The following DEPTOR variants were observed in gnomAD, a reference collection of about 807,000 sequenced individuals.
DEPTOR encodes the protein DEP domain containing MTOR interacting protein, also known as DEP domain-containing mTOR-interacting protein.
Under a neutral mutation model 41.6 loss-of-function variants are expected in DEPTOR, and 41 were observed. The observed-to-expected ratio is 0.98, with a 90% CI of 0.77 to 1.28. The LOEUF (loss-of-function observed/expected upper bound fraction) is 1.28. Ranked by LOEUF, DEPTOR falls within the 50% of genes most tolerant of loss-of-function variation. DEPTOR has a pLI of 0.00. For synonymous variants in DEPTOR, 195 were observed against 192.3 expected, an observed-to-expected ratio of 1.01 and a Z score of -0.12; for missense variants, 514 against 527.9, an observed-to-expected ratio of 0.97 and a Z score of 0.26.
intron 1 of DEPTOR, among the ~76,000 whole-genome samples, chr8:119,888,981 G>A (rs1034749620): frequency 3.3e-5 from 5 of 151,874 alleles, no homozygotes; most frequent in African/African-American, 4.8e-5. Flanking sequence ...ATGCCTGGGC[G>A]GAAAAGGGCA....
At chr8:120,010,529 T>C (rs1282025980) in intron 8 of DEPTOR, among the ~76,000 whole-genome samples, 1 of 151,634 alleles carries the variant, frequency 6.6e-6, no homozygotes, top group Non-Finnish European at 1.5e-5. Context: ...GGCAGGAGAA[T>C]TGCTTGAGCC....
chr8:119,874,110 T>C, intron 1 of DEPTOR, 142 bp downstream of exon 1: 1 of 1,379,160 alleles, frequency 7.3e-7, no homozygotes, highest in South Asian at 1.3e-5. Flanking sequence ...TGGATGGTCC[T>C]CGGTGCGCCC....
chr8:119,907,291 G>C (rs1001309103), intron 1 of DEPTOR, among the ~76,000 whole-genome samples: 3 of 151,918 alleles, frequency 2.0e-5, no homozygotes, highest in African/African-American at 7.3e-5. Context: ...AGAAATATAT[G>C]GGGCACAGAT....
At chr8:119,908,727 T>C (rs1311913586) in intron 1 of DEPTOR, among the ~76,000 whole-genome samples, 1 of 152,144 alleles carries the variant, frequency 6.6e-6, no homozygotes, top group Non-Finnish European at 1.5e-5. Flanking sequence ...TTGCAGCTCT[T>C]TTCTTAAAAC....
intron 4 of DEPTOR, among the ~76,000 whole-genome samples, chr8:119,986,234 A>G (rs1173150737): frequency 6.6e-6 from 1 of 151,966 alleles, no homozygotes; most frequent in Non-Finnish European, 1.5e-5. Flanking sequence ...TGGTGACAAA[A>G]TCTCTCAACA....
At chr8:119,885,504 T>C (rs1471840445) in intron 1 of DEPTOR, among the ~76,000 whole-genome samples, 2 of 152,202 alleles carry the variant, frequency 1.3e-5, no homozygotes, top group African/African-American at 4.8e-5. Context: ...AAATAAATTC[T>C]AACGGTAGAA....
At chr8:120,035,729 G>A (rs753684706) in intron 8 of DEPTOR, among the ~76,000 whole-genome samples, 5 of 152,166 alleles carry the variant, frequency 3.3e-5, no homozygotes, top group South Asian at 2.1e-4. Context: ...ATGGGGTTTC[G>A]CCACGTTGGC....
intron 1 of DEPTOR, 56 bp downstream of exon 1, chr8:119,874,024 C>T (rs1827199492): frequency 1.7e-5 from 27 of 1,605,722 alleles, no homozygotes; most frequent in Non-Finnish European, 2.1e-5. Flanking sequence ...CGCGTGCCCG[C>T]TGCAGTCCTG....
chr8:119,874,092 C>CG, intron 1 of DEPTOR, 124 bp downstream of exon 1: 2 of 1,517,996 alleles, frequency 1.3e-6, no homozygotes, highest in South Asian at 2.4e-5. Flanking sequence ...GGAACGGCTG[C>CG]GGGCGCGTGG....
chr8:120,025,959 T>A (rs1436500475), intron 8 of DEPTOR, among the ~76,000 whole-genome samples: 1 of 150,700 alleles, frequency 6.6e-6, no homozygotes, highest in Non-Finnish European at 1.5e-5. Context: ...CTGAAACCAG[T>A]GGTAGCTTTC....
chr8:119,891,688 A>C (rs1827454540), intron 1 of DEPTOR, among the ~76,000 whole-genome samples: 1 of 152,196 alleles, frequency 6.6e-6, no homozygotes, highest in Non-Finnish European at 1.5e-5. Flanking sequence ...AGCTCTCAAC[A>C]TATGACTGAA....
chr8:119,948,920 T>C lies in DEPTOR; in HGVS notation c.426-16312T>C, dbSNP rs139079803. Among the ~76,000 whole-genome samples the C allele has an allele frequency of 3.2e-4, 49 of 152,236 alleles. 1 individual carries two copies. In the East Asian group the frequency reaches 8.3e-3, roughly 26 times the overall value. On this transcript the variant is annotated intron_variant, in intron 3 of 8. Transcript: ENST00000286234. ...CTCCTGCCCCAGCCTCCCAAATAGC[T>C]GGGATTACAGACATGCGCCACCACA...
At chr8:119,988,958 CTTTTTTTT>C (rs71571643) in intron 4 of DEPTOR, among the ~76,000 whole-genome samples, 3 of 93,924 alleles carry the variant, frequency 3.2e-5, no homozygotes, top group African/African-American at 8.8e-5. Flanking sequence ...TTTTTTTTTT[CTTTTTTTT>C]TTTTTTTTTT....
At chr8:119,971,555 G>A (rs1007905254) in intron 4 of DEPTOR, among the ~76,000 whole-genome samples, 8 of 152,146 alleles carry the variant, frequency 5.3e-5, no homozygotes, top group African/African-American at 1.7e-4. Flanking sequence ...TGTCATATGA[G>A]TTCAGTTAAT....
At position 120,049,722 on chromosome 8, in the gene DEPTOR, C is replaced by T. The variant is rs117391704; in HGVS notation, c.*18C>T. 17 of 1,612,972 alleles carry T rather than the reference C, an allele frequency of 1.1e-5. No individual in the cohort carries two copies. The African/African-American group carries it at 2.1e-4, about 20-fold the overall frequency. ...AGTGCTGAGCTCCTGGGCCTCCCAG[C>T]CCTCCAGTGGCCTGTGGGTGAGGGA... On this transcript the variant is annotated 3_prime_UTR_variant, in exon 9 of 9. Coordinates refer to ENST00000286234, the MANE Select transcript of DEPTOR (RefSeq NM_022783.4).
chr8:119,976,927 T>C (rs760940120), intron 4 of DEPTOR, among the ~76,000 whole-genome samples: 43 of 152,296 alleles, frequency 2.8e-4, no homozygotes, highest in Middle Eastern at 3.4e-3. Context: ...TGGCAGGCTG[T>C]TCTTTACTGC....
intron 3 of DEPTOR, among the ~76,000 whole-genome samples, chr8:119,947,393 CT>C (rs1828293462): frequency 6.6e-6 from 1 of 152,220 alleles, no homozygotes; most frequent in Non-Finnish European, 1.5e-5. Context: ...CAAGCCATTC[CT>C]TTCTCCTAGT....
chr8:120,032,281 C>T lies in DEPTOR; in HGVS notation c.1102-17295C>T, dbSNP rs577002084. 6.1e-5 allele frequency among the ~76,000 whole-genome samples: 9 copies of T among 146,730 alleles called. No individual in the cohort carries two copies. In the East Asian group the frequency reaches 8.0e-4, roughly 13 times the overall value. ...TCACCCAGGTTGGAGAGCAGTGGCA[C>T]GATCTTGGCTCACTGCAACCTCCGC... On this transcript the variant is annotated intron_variant, in intron 8 of 8. Transcript: ENST00000286234.
At chr8:119,907,716 G>T (rs1251018520) in intron 1 of DEPTOR, among the ~76,000 whole-genome samples, 2 of 152,120 alleles carry the variant, frequency 1.3e-5, no homozygotes, top group African/African-American at 2.4e-5. Flanking sequence ...TCCCTTGAAG[G>T]TTGCAGTGAA....
Sources: gnomAD v4.1 joint callset for allele counts (sites outside exome capture counted in the v4.1 genomes callset) on GRCh38, gnomAD v4.1.1 for gene constraint, MANE v1.5 for transcripts, NCBI Gene and HGNC (gene_info 2026-07-23, HGNC 2026-07-21) for gene names.